PTPRD: variants seen among roughly 807,000 people sequenced by gnomAD.
The protein encoded by PTPRD is receptor-type tyrosine-protein phosphatase delta.
Under a neutral mutation model 214.5 loss-of-function variants are expected in PTPRD, and 34 were observed. The ratio of observed to expected loss-of-function variants is 0.16; its 90% confidence interval spans 0.12 to 0.21. The LOEUF (loss-of-function observed/expected upper bound fraction) is 0.21. PTPRD is among the 10% of genes least tolerant of loss of function. The pLI is 1.00. For synonymous variants in PTPRD, 1,128 were observed against 845.7 expected, an observed-to-expected ratio of 1.33 and a Z score of -5.79; for missense variants, 2,545 against 2,398.7, an observed-to-expected ratio of 1.06 and a Z score of -1.27.
chr9:9,990,138 T>G (rs533656568), intron 4 of PTPRD, among the ~76,000 whole-genome samples: 1 of 152,264 alleles, frequency 6.6e-6, no homozygotes, highest in Admixed American at 6.5e-5. Context: ...AAAGGAATGT[T>G]GGTTCAGTTT....
At chr9:9,487,761 A>G (rs930879284) in intron 8 of PTPRD, among the ~76,000 whole-genome samples, 7 of 152,142 alleles carry the variant, frequency 4.6e-5, no homozygotes, top group African/African-American at 1.7e-4. Context: ...GATTCTTTAC[A>G]ATATATACAC....
chr9:9,662,229 T>G (rs1159405604), intron 7 of PTPRD, among the ~76,000 whole-genome samples: 1 of 151,684 alleles, frequency 6.6e-6, no homozygotes, highest in African/African-American at 2.4e-5. Flanking sequence ...AACCTGCTAC[T>G]ATAAAGTATC....
At chr9:8,441,723 A>T (rs1308711632) in intron 34 of PTPRD, among the ~76,000 whole-genome samples, 1 of 151,818 alleles carries the variant, frequency 6.6e-6, no homozygotes, top group Non-Finnish European at 1.5e-5. Flanking sequence ...GGGTTCATCT[A>T]CCTCCCCTTC....
intron 7 of PTPRD, among the ~76,000 whole-genome samples, chr9:9,613,164 A>T (rs1011551597): frequency 8.1e-6 from 1 of 123,252 alleles, no homozygotes; most frequent in African/African-American, 2.8e-5. Context: ...ATATATATAT[A>T]TATATATATG....
intron 2 of PTPRD, among the ~76,000 whole-genome samples, chr9:10,449,792 G>C (rs1303870990): frequency 6.6e-6 from 1 of 151,298 alleles, no homozygotes; most frequent in Non-Finnish European, 1.5e-5. Context: ...CGGTTTTGTC[G>C]AATAGAAAAG....
intron 36 of PTPRD, among the ~76,000 whole-genome samples, chr9:8,391,759 G>A (rs1459397606): frequency 6.6e-6 from 1 of 152,088 alleles, no homozygotes. Context: ...TTCATCACCT[G>A]GGCCCTGTGC....
In PTPRD at chr9:8,712,002, C is replaced by A. The variant is rs534384941; in HGVS notation, c.64+21778G>T. Reference sequence around the variant, plus strand: ...GGGAAATTCTGAAGTGAAGGAACTGCTACATGTAATTGTAGTAATGAATAC... The same window carrying A: ...GGGAAATTCTGAAGTGAAGGAACTGATACATGTAATTGTAGTAATGAATAC... On this transcript the variant is annotated intron_variant, in intron 12 of 45. Transcript: ENST00000381196. Among the ~76,000 whole-genome samples, 12 of 152,268 alleles carry A rather than the reference C, an allele frequency of 7.9e-5. 1 individual carries two copies. The South Asian group carries it at 2.5e-3, about 32-fold the overall frequency.
At chr9:10,323,158 CT>C (rs2096581773) in intron 3 of PTPRD, among the ~76,000 whole-genome samples, 1 of 151,286 alleles carries the variant, frequency 6.6e-6, no homozygotes, top group African/African-American at 2.4e-5. Flanking sequence ...TATTTTCTTT[CT>C]CTTTTTCTTT....
At chr9:8,355,604 A>G (rs2076780684) in intron 39 of PTPRD, among the ~76,000 whole-genome samples, 1 of 152,230 alleles carries the variant, frequency 6.6e-6, no homozygotes, top group Non-Finnish European at 1.5e-5. Context: ...CTGTGACACC[A>G]AAGAGCTGAA....
At chr9:8,476,338 G>A (rs538400059) in intron 30 of PTPRD, among the ~76,000 whole-genome samples, 5 of 152,238 alleles carry the variant, frequency 3.3e-5, no homozygotes, top group East Asian at 3.9e-4. Context: ...GACAGGAGGC[G>A]GAGCTCGCTC....
chr9:8,894,356 A>AACTGAGACTCCATCTC (rs2098583271), intron 11 of PTPRD, among the ~76,000 whole-genome samples: 22 of 28,150 alleles, frequency 7.8e-4, no homozygotes, highest in South Asian at 3.2e-3. Context: ...ACTCCATCTC[A>AACTGAGACTCCATCTC]AAAAAAAAAA....
chr9:8,535,465 T>C (rs1013632229), intron 14 of PTPRD, among the ~76,000 whole-genome samples: 2 of 151,918 alleles, frequency 1.3e-5, no homozygotes, highest in Non-Finnish European at 2.9e-5. Context: ...AAATCCATAT[T>C]GTCAGATGAT....
At chr9:8,460,335 G>T (rs1300980756) in intron 33 of PTPRD, 76 bp downstream of exon 33, 12 of 1,547,920 alleles carry the variant, frequency 7.8e-6, no homozygotes, top group Non-Finnish European at 1.1e-5. Flanking sequence ...ACCACCTAAG[G>T]ACAGCAGAAC....
chr9:10,612,216 A>AAG (rs2081210623), intron 2 of PTPRD, among the ~76,000 whole-genome samples, 182 bp downstream of exon 2: 1 of 151,120 alleles, frequency 6.6e-6, no homozygotes, highest in Admixed American at 6.6e-5. Context: ...TCCAAAAAAA[A>AAG]AAAAAAAAGA....
intron 37 of PTPRD, among the ~76,000 whole-genome samples, chr9:8,388,104 C>T (rs141798759): frequency 1.3e-5 from 2 of 152,278 alleles, no homozygotes; most frequent in East Asian, 3.9e-4. Flanking sequence ...AACCATTTAT[C>T]ACTGCTTTTG....
chr9:9,349,351 C>T (rs1240665812), intron 9 of PTPRD, among the ~76,000 whole-genome samples: 2 of 152,094 alleles, frequency 1.3e-5, no homozygotes, highest in Non-Finnish European at 2.9e-5. Context: ...CACCACACCT[C>T]CAACCCCCAT....
At chr9:8,620,580 A>C (rs2095790519) in intron 14 of PTPRD, among the ~76,000 whole-genome samples, 1 of 151,986 alleles carries the variant, frequency 6.6e-6, no homozygotes, top group African/African-American at 2.4e-5. Context: ...AGAATGGAGA[A>C]ATTTTAACCA....
chr9:10,500,204 G>A (rs1011642028), intron 2 of PTPRD, among the ~76,000 whole-genome samples: 7 of 151,746 alleles, frequency 4.6e-5, no homozygotes, highest in African/African-American at 1.7e-4. Context: ...CAAGCATTCT[G>A]TAGGTCAGTA....
intron 2 of PTPRD, among the ~76,000 whole-genome samples, chr9:10,497,269 C>A (rs2042344553): frequency 1.3e-5 from 2 of 151,930 alleles, no homozygotes; most frequent in African/African-American, 4.8e-5. Flanking sequence ...ATGCGGTAAA[C>A]CTGTACCTGT....
Sources: gnomAD v4.1 joint callset for allele counts (sites outside exome capture counted in the v4.1 genomes callset) on GRCh38, gnomAD v4.1.1 for gene constraint, MANE v1.5 for transcripts, NCBI Gene and HGNC (gene_info 2026-07-23, HGNC 2026-07-21) for gene names.